The following CCDC62 variants were observed in gnomAD, a reference collection of about 807,000 sequenced individuals.
CCDC62 encodes coiled-coil domain containing 62, also known as coiled-coil domain-containing protein 62.
CCDC62 carries 72 observed loss-of-function variants against 80.8 expected under a neutral mutation model. The ratio of observed to expected loss-of-function variants is 0.89; its 90% confidence interval spans 0.74 to 1.08. The LOEUF is 1.08. Ranked by LOEUF, CCDC62 falls within the 50% of genes least tolerant of loss-of-function variation. The pLI is 0.00. For synonymous variants in CCDC62, 286 were observed against 296.5 expected (o/e 0.96, Z 0.36); for missense variants, 704 against 809.4 (o/e 0.87, Z 1.58).
intron 10 of CCDC62, 109 bp downstream of exon 10, chr12:122,806,404 GTTTT>G (rs34775544): frequency 0.018 from 7,692 of 428,088 alleles, no homozygotes; most frequent in East Asian, 0.022. Flanking sequence ...CTATTCCTCC[GTTTT>G]TTTTTTTTTT....
chr12:122,807,105 G>A lies in CCDC62; in HGVS notation c.1851+810G>A, dbSNP rs144608369. 3.0e-4 allele frequency among the ~76,000 whole-genome samples: 46 copies of A among 152,156 alleles called. No homozygotes were observed. The East Asian group carries it at 4.4e-3, about 15-fold the overall frequency. Reference sequence around the variant, plus strand: ...AATGTGTGGCAAGGTACAGTGCCTCGTGCCTGTAATTCCAACACTCTTGGG... The same window carrying A: ...AATGTGTGGCAAGGTACAGTGCCTCATGCCTGTAATTCCAACACTCTTGGG... On this transcript the variant is annotated intron_variant, in intron 10 of 12. Transcript: ENST00000253079.
intron 11 of CCDC62, among the ~76,000 whole-genome samples, chr12:122,820,081 A>AAAG (rs1566090674): frequency 7.3e-5 from 11 of 150,190 alleles, no homozygotes; most frequent in African/African-American, 2.7e-4. Context: ...AAAAAAAAAA[A>AAAG]AAGAAGAAGA....
At chr12:122,784,779 G>A (rs556319939) in intron 3 of CCDC62, among the ~76,000 whole-genome samples, 2 of 152,252 alleles carry the variant, frequency 1.3e-5, no homozygotes, top group Non-Finnish European at 2.9e-5. Flanking sequence ...AGGTTACTAT[G>A]AGCTATGAGT....
chr12:122,786,405 C>T (rs1039506661), intron 4 of CCDC62, among the ~76,000 whole-genome samples: 1 of 151,872 alleles, frequency 6.6e-6, no homozygotes, highest in Non-Finnish European at 1.5e-5. Flanking sequence ...GCCTCGGCCT[C>T]CCAAAGTGCT....
intron 10 of CCDC62, among the ~76,000 whole-genome samples, chr12:122,809,810 C>T (rs2031791067): frequency 2.0e-5 from 3 of 152,084 alleles, no homozygotes; most frequent in Non-Finnish European, 4.4e-5. Context: ...GGTACTGGTA[C>T]CAAAACAGAG....
At position 122,803,371 on chromosome 12, in the gene CCDC62, G is replaced by A. The variant is rs564500587; in HGVS notation, c.1706+1519G>A. Among the ~76,000 whole-genome samples, 7 of 152,162 alleles carry A rather than the reference G, an allele frequency of 4.6e-5. No homozygotes were observed. In the South Asian group the frequency reaches 1.2e-3, roughly 27 times the overall value. On this transcript the variant is annotated intron_variant, in intron 9 of 12. Transcript: ENST00000253079. ...AAGAGAAGAAAATTTAAGAGAATAA[G>A]GCATATGCTGCCTTATTCAGGCTTG...
At chr12:122,819,501 A>G (rs566351348) in intron 11 of CCDC62, among the ~76,000 whole-genome samples, 22 of 152,324 alleles carry the variant, frequency 1.4e-4, no homozygotes, top group African/African-American at 5.3e-4. Context: ...TCTCTCCCAC[A>G]GATACTTCTG....
intron 4 of CCDC62, among the ~76,000 whole-genome samples, chr12:122,787,512 G>T (rs189462202): frequency 1.3e-5 from 2 of 151,056 alleles, no homozygotes; most frequent in East Asian, 2.0e-4. Flanking sequence ...TACACTTTGG[G>T]AGGCTGAGCC....
At position 122,801,548 on chromosome 12, in the gene CCDC62, C is replaced by T. The variant is rs965023758; in HGVS notation, c.1402C>T (p.Leu468=). ...EKQWHDVSVY[L]GLTNCPSSKH... is the part of the protein sequence containing the mutation. ...GCAGTGGCATGATGTCAGTGTTTAC[C>T]TGGGCCTGACCAACTGTCCAAGTTC... is the stretch of plus-strand genomic sequence containing the variant. The change falls in exon 9 of 13, where the codon CTG becomes TTG. Residue 468 remains leucine, a synonymous_variant. Coordinates refer to ENST00000253079, the MANE Select transcript of CCDC62 (RefSeq NM_201435.5). 4 of 1,613,986 alleles carry T rather than the reference C, an allele frequency of 2.5e-6. No homozygotes were observed. Among genetic ancestry groups the T allele is most frequent in the Non-Finnish European group, 3.4e-6 (4 of 1,180,020 alleles).
At chr12:122,788,994 G>C in intron 5 of CCDC62, 65 bp downstream of exon 5, 1 of 1,295,848 alleles carries the variant, frequency 7.7e-7, no homozygotes, top group South Asian at 1.6e-5. Flanking sequence ...TTTCATCTGG[G>C]TTCACTTAAT....
At chr12:122,800,990 C>T in intron 8 of CCDC62, 134 bp from the exon 9 acceptor site, 1 of 874,292 alleles carries the variant, frequency 1.1e-6, no homozygotes, top group East Asian at 2.5e-5. Flanking sequence ...GAAGGTCGGG[C>T]TGGAATTGGG....
chr12:122,785,615 C>T, intron 3 of CCDC62, 104 bp from the exon 4 acceptor site: 2 of 776,190 alleles, frequency 2.6e-6, no homozygotes, highest in East Asian at 2.5e-5. Flanking sequence ...ACGAGTTAAA[C>T]AAGGAAAAAA....
intron 3 of CCDC62, 53 bp downstream of exon 3, chr12:122,781,383 A>G: frequency 6.4e-7 from 1 of 1,559,380 alleles, no homozygotes; most frequent in Non-Finnish European, 8.8e-7. Flanking sequence ...TTTGTGTTTC[A>G]GTTATTGAAA....
At chr12:122,786,941 C>T (rs1434588024) in intron 4 of CCDC62, among the ~76,000 whole-genome samples, 2 of 152,112 alleles carry the variant, frequency 1.3e-5, no homozygotes, top group South Asian at 2.1e-4. Context: ...GCCTGGGTGA[C>T]AGCGAGACTC....
rs2032518178 is a variant in CCDC62 at position 122,824,146 on chromosome 12, T to G, written c.*40+687T>G. Among the ~76,000 whole-genome samples the G allele has an allele frequency of 2.6e-5, 4 of 152,250 alleles. No homozygotes were observed. The South Asian group carries it at 8.3e-4, about 32-fold the overall frequency. ...AAACCACAATGCGGGCCGGGCGCAG[T>G]GGCTCATGCCCATAATCATAGCACT... On this transcript the variant is annotated intron_variant, in intron 12 of 12. Coordinates refer to ENST00000253079, the MANE Select transcript of CCDC62 (RefSeq NM_201435.5).
rs761028776 is a variant in CCDC62, at chr12:122,823,450, G to A, written c.*31G>A. ...ACAAAAGGCAACTTCAGTATTCATC[G>A]TGATCACGAGTAAGTCACCTTTGCT... On this transcript the variant is annotated 3_prime_UTR_variant, in exon 12 of 13. Coordinates refer to ENST00000253079, the MANE Select transcript of CCDC62 (RefSeq NM_201435.5). The A allele has an allele frequency of 7.4e-6, 11 of 1,495,422 alleles. No individual in the cohort carries two copies. Among genetic ancestry groups the A allele is most frequent in the Admixed American group, 3.4e-5 (2 of 59,224 alleles). The allele number at this position is 1,495,422 out of a possible 1,614,324, so 92.6% of individuals were successfully genotyped here. A position where few individuals can be genotyped will look rare whatever the true frequency, so the allele number is the denominator to read the frequency against.
chr12:122,800,728 C>CA (rs1277105595), intron 8 of CCDC62, among the ~76,000 whole-genome samples: 1 of 150,856 alleles, frequency 6.6e-6, no homozygotes, highest in African/African-American at 2.5e-5. Flanking sequence ...CACCCGGCCT[C>CA]AAAAAAAATT....
At chr12:122,812,872 A>T (rs10773599) in intron 10 of CCDC62, among the ~76,000 whole-genome samples, 127,976 of 151,798 alleles carry the variant, frequency 0.84, 55,218 homozygotes, top group East Asian at 0.99. Context: ...TTTGATGTCC[A>T]GCTTTGCTTT....
rs1295292708 is a variant in CCDC62 at position 122,823,354 on chromosome 12, G to T, written c.2002-12G>T. The T allele has an allele frequency of 6.2e-7, 1 of 1,604,444 alleles. No individual in the cohort carries two copies. The highest frequency in any genetic ancestry group is 1.3e-5 in the African/African-American group (1 of 74,682). ...CTCTATCCTGAATACTAATCTGGGA[G>T]TTGTTTTCTAGAAGTCAGAGGTCCC... On this transcript the variant is annotated splice_polypyrimidine_tract_variant and intron_variant, in intron 11 of 12. Coordinates refer to ENST00000253079, the MANE Select transcript of CCDC62 (RefSeq NM_201435.5).
Sources: gnomAD v4.1 joint callset for allele counts (sites outside exome capture counted in the v4.1 genomes callset) on GRCh38, gnomAD v4.1.1 for gene constraint, MANE v1.5 for transcripts, NCBI Gene and HGNC (gene_info 2026-07-23, HGNC 2026-07-21) for gene names.